The following P4HA3 variants were observed in gnomAD, a reference collection of about 807,000 sequenced individuals.
P4HA3 encodes prolyl 4-hydroxylase subunit alpha 3.
A neutral mutation model predicts 66.7 loss-of-function variants in P4HA3; 60 were observed. The ratio of observed to expected loss-of-function variants is 0.90; its 90% confidence interval spans 0.73 to 1.12. The LOEUF (loss-of-function observed/expected upper bound fraction) is 1.12. Among genes scored for constraint, P4HA3 ranks in the 50% most tolerant of loss-of-function variants. The pLI, the probability that P4HA3 is intolerant of heterozygous loss-of-function variation, is 0.00. For missense variants in P4HA3, 683 were observed against 685.8 expected (o/e 1.00, Z 0.05); for synonymous variants, 263 against 274.6 (o/e 0.96, Z 0.42).
chr11:74,290,287 G>T (rs1337436841), intron 4 of P4HA3, among the ~76,000 whole-genome samples: 1 of 152,082 alleles, frequency 6.6e-6, no homozygotes, highest in Non-Finnish European at 1.5e-5. Context: ...TTTTTGATGG[G>T]GTTGTTTGTC....
intron 8 of P4HA3, among the ~76,000 whole-genome samples, chr11:74,277,857 G>A (rs1186757815): frequency 4.6e-5 from 7 of 152,212 alleles, no homozygotes; most frequent in African/African-American, 1.4e-4. Context: ...CTGGGGAGAC[G>A]ATAAGGCTCT....
Position 74,298,284 on chromosome 11 carries a change from G to A in P4HA3, c.645C>T (p.Tyr215=), listed in dbSNP as rs779701169. The stretch of plus-strand genomic sequence containing the variant: ...CCTCATCCTCTGTCTTCCACTCTCC[G>A]TAAGATCCTCGGAAGAGACTGACAG... The part of the protein sequence containing the change: ...EEAVSLFRGS[Y]GEWKTEDEAS... The change falls in exon 4 of 13, where the codon TAC becomes TAT. Residue 215 remains tyrosine, a synonymous_variant. Coordinates refer to ENST00000331597, the MANE Select transcript of P4HA3 (RefSeq NM_182904.5). The A allele has an allele frequency of 1.5e-5, 24 of 1,613,894 alleles. No homozygotes were observed. The highest frequency in any genetic ancestry group is 5.0e-5 in the Admixed American group (3 of 59,986).
intron 4 of P4HA3, among the ~76,000 whole-genome samples, chr11:74,293,192 A>G (rs1170038133): frequency 4.0e-5 from 6 of 151,864 alleles, no homozygotes; most frequent in Non-Finnish European, 7.4e-5. Flanking sequence ...TCCCTTTACC[A>G]TTATGTAATG....
intron 8 of P4HA3, 39 bp downstream of exon 8, chr11:74,279,349 G>A: frequency 1.3e-6 from 2 of 1,584,106 alleles, no homozygotes; most frequent in Non-Finnish European, 1.7e-6. Context: ...ACGGCCCGAG[G>A]GTGGGCAGCA....
chr11:74,305,085 C>A (rs1443969328), intron 1 of P4HA3, among the ~76,000 whole-genome samples: 1 of 152,092 alleles, frequency 6.6e-6, no homozygotes, highest in African/African-American at 2.4e-5. Flanking sequence ...CCACCACTCA[C>A]CTCCTGCTGG....
downstream of P4HA3, among the ~76,000 whole-genome samples, chr11:74,262,395 G>C (rs1483589941): frequency 1.3e-5 from 2 of 152,186 alleles, no homozygotes; most frequent in Non-Finnish European, 2.9e-5. Flanking sequence ...ATGTGGCAGA[G>C]AGAAAGAAGG....
intron 11 of P4HA3, among the ~76,000 whole-genome samples, chr11:74,268,464 G>A (rs1860074729): frequency 6.6e-6 from 1 of 152,230 alleles, no homozygotes; most frequent in South Asian, 2.1e-4. Context: ...GGGGCTGCAG[G>A]GACAAATTAC....
intron 4 of P4HA3, among the ~76,000 whole-genome samples, chr11:74,295,712 G>A (rs1414828813): frequency 6.6e-6 from 1 of 151,942 alleles, no homozygotes; most frequent in Admixed American, 6.6e-5. Flanking sequence ...CATTTTTAAT[G>A]GCTGCATTTT....
At chr11:74,287,091 A>C in intron 5 of P4HA3, 1 of 1,169,968 alleles carries the variant, frequency 8.5e-7, no homozygotes, top group Non-Finnish European at 1.1e-6. Flanking sequence ...AAACCCAATA[A>C]ATCTTGTGTC....
At chr11:74,251,502 C>T in intron 15 of P4HA3, 1 of 1,457,380 alleles carries the variant, frequency 6.9e-7, no homozygotes. Flanking sequence ...CTAGGGAGGG[C>T]CTAGGTCCTT....
rs369229991 is a variant in P4HA3 at position 74,296,704 on chromosome 11, A to T, written c.717+1508T>A. Among the ~76,000 whole-genome samples the T allele has an allele frequency of 9.2e-5, 14 of 152,308 alleles. No homozygotes were observed. The East Asian group carries it at 2.5e-3, about 27-fold the overall frequency. ...ATCAGAGTTAGAGGGAAACAAAACAAAACTAATCAATAATTGGGTACAACA... is the reference window on the plus strand; with the variant it reads ...ATCAGAGTTAGAGGGAAACAAAACATAACTAATCAATAATTGGGTACAACA... On this transcript the variant is annotated intron_variant, in intron 4 of 12. Coordinates refer to ENST00000331597, the MANE Select transcript of P4HA3 (RefSeq NM_182904.5).
rs566976 is a variant in P4HA3, at chr11:74,260,790, C to T, written c.*1105-654G>A. ...AGTTGGACAAATGTTAATCTAAGGA[C>T]CTGTGAGTTAGGGTGATAAGCCTTC... On this transcript the variant is annotated intron_variant and NMD_transcript_variant, in intron 14 of 15. Transcript: ENST00000524388. Among the ~76,000 whole-genome samples, 1,204 of 152,196 alleles carry T rather than the reference C, an allele frequency of 7.9e-3. 9 individuals carry two copies. The highest frequency in any genetic ancestry group is 0.012 in the Non-Finnish European group (849 of 68,002).
chr11:74,301,504 C>T (rs1861405486), intron 3 of P4HA3, among the ~76,000 whole-genome samples: 1 of 152,174 alleles, frequency 6.6e-6, no homozygotes. Flanking sequence ...CTCAAGCAGC[C>T]TACTCTGCCT....
At chr11:74,251,776 C>T (rs889167612) in intron 15 of P4HA3, 40 of 1,584,240 alleles carry the variant, frequency 2.5e-5, no homozygotes, top group Non-Finnish European at 3.4e-5. Flanking sequence ...CAAGCAGACA[C>T]TTGTAGGACT....
At chr11:74,253,557 C>T (rs373756930) in intron 15 of P4HA3, 41 of 1,568,302 alleles carry the variant, frequency 2.6e-5, no homozygotes, top group East Asian at 2.0e-4. Context: ...GTTGTAAATA[C>T]GTCGCACCAG....
downstream of P4HA3, among the ~76,000 whole-genome samples, chr11:74,264,363 C>A (rs949903704): frequency 9.2e-5 from 14 of 152,258 alleles, no homozygotes; most frequent in Middle Eastern, 3.4e-3. Context: ...CTACAGCATG[C>A]CCCCTAATAC....
intron 9 of P4HA3, among the ~76,000 whole-genome samples, 174 bp from the exon 10 acceptor site, chr11:74,273,781 ATT>A (rs66713314): frequency 0.04 from 6,051 of 150,888 alleles, 132 homozygotes; most frequent in Middle Eastern, 0.11. Flanking sequence ...ACTCAATACA[ATT>A]TTTTTTTTTA....
At chr11:74,304,047 C>T (rs1302583066) in intron 2 of P4HA3, among the ~76,000 whole-genome samples, 1 of 152,152 alleles carries the variant, frequency 6.6e-6, no homozygotes, top group African/African-American at 2.4e-5. Context: ...TTGTAGTGAA[C>T]ATCAAATGAG....
At chr11:74,279,553 A>G (rs1860519429) in intron 7 of P4HA3, 101 bp from the exon 8 acceptor site, 1 of 1,103,024 alleles carries the variant, frequency 9.1e-7, no homozygotes, top group Non-Finnish European at 1.4e-6. Context: ...TCAACATAAC[A>G]GATGCCAGTT....
Sources: allele counts gnomAD v4.1 joint callset (sites outside exome capture counted in the v4.1 genomes callset), GRCh38; gene constraint gnomAD v4.1.1; transcripts MANE v1.5; gene names NCBI Gene and HGNC (gene_info 2026-07-23, HGNC 2026-07-21).